The following FNIP2 variants were observed in gnomAD, a reference collection of about 807,000 sequenced individuals.
FNIP2 encodes the protein folliculin interacting protein 2.
FNIP2 carries 32 observed loss-of-function variants against 108.7 expected under a neutral mutation model. The observed-to-expected ratio is 0.29, with a 90% CI of 0.22 to 0.40. FNIP2 has a LOEUF of 0.40. Among genes scored for constraint, FNIP2 ranks in the 10% least tolerant of loss-of-function variants. The pLI is 1.00. For synonymous variants in FNIP2, 480 were observed against 496.7 expected, an observed-to-expected ratio of 0.97 and a Z score of 0.45; for missense variants, 1,202 against 1,381.6, an observed-to-expected ratio of 0.87 and a Z score of 2.06.
At chr4:158,872,856 A>G (rs1781038566) in intron 14 of FNIP2, 1 of 712,698 alleles carries the variant, frequency 1.4e-6, no homozygotes, top group Non-Finnish European at 1.7e-6. Context: ...CATAAAGCCT[A>G]GTGAATATTT....
rs745949282 is a variant in FNIP2 at position 158,831,961 on chromosome 4, G to A, written c.482G>A (p.Arg161His). ...KGSTLKIHYI[R>H]SPPQLMISKV... The stretch of plus-strand genomic sequence containing the variant: ...TCCACCTTAAAGATACACTACATAC[G>A]GTGAGTCTGGGCTTCCTTTTCTACT... The change falls in exon 4 of 17, where the codon CGT becomes CAT. Residue 161 changes from arginine (R) to histidine (H), a missense_variant and splice_region_variant. Physicochemically the swap from Arg to His is conservative, Grantham distance 29. Coordinates refer to ENST00000264433, the MANE Select transcript of FNIP2 (RefSeq NM_020840.3). The A allele has an allele frequency of 3.7e-6, 6 of 1,608,054 alleles. No homozygotes were observed. The highest frequency in any genetic ancestry group is 1.7e-5 in the Admixed American group (1 of 59,528).
intron 1 of FNIP2, among the ~76,000 whole-genome samples, chr4:158,803,537 GA>G (rs1172652508): frequency 6.6e-6 from 1 of 152,150 alleles, no homozygotes; most frequent in Admixed American, 6.5e-5. Flanking sequence ...TCCACTTACT[GA>G]AGAAATTTTA....
intron 14 of FNIP2, among the ~76,000 whole-genome samples, chr4:158,886,093 T>G (rs942111499): frequency 1.3e-5 from 2 of 152,226 alleles, no homozygotes; most frequent in African/African-American, 4.8e-5. Flanking sequence ...ATCCTGTTGA[T>G]TCAACAAGCT....
At position 158,868,897 on chromosome 4, in the gene FNIP2, C is replaced by CTGCTGA. The variant is rs1328553509; in HGVS notation, c.2264_2269dup (p.Ala755_Asp756dup). On this transcript the variant is annotated inframe_insertion, in exon 13 of 17. Coordinates refer to ENST00000264433, the MANE Select transcript of FNIP2 (RefSeq NM_020840.3). This position sits in a 1 kb window ranked among gnomAD's most constrained non-coding sequence, Gnocchi z 4.6. ...GGCCCCTCCTTGGAGGCCAGTGAGGCTGCTGATGTGGCTCAGGACCCGCAG... is the reference window on the plus strand; with the variant it reads ...GGCCCCTCCTTGGAGGCCAGTGAGGCTGCTGATGCTGATGTGGCTCAGGACCCGCAG... 6.2e-7 allele frequency: 1 copy of CTGCTGA among 1,613,820 alleles called. No individual in the cohort carries two copies. The highest frequency in any genetic ancestry group is 2.2e-5 in the East Asian group (1 of 44,898).
In FNIP2 at chr4:158,889,933, A is replaced by G. The variant is rs772774406; in HGVS notation, c.2950-1513A>G. 6.4e-4 allele frequency: 626 copies of G among 985,242 alleles called. 1 individual carries two copies. Among genetic ancestry groups the G allele is most frequent in the Non-Finnish European group, 7.2e-4 (599 of 829,908 alleles). 61.0% of individuals were successfully genotyped at this position (985,242 alleles called of 1,614,324 possible). ...TAAAGAGAAGTCACTGAAGCCTTGTATCTTTAGTTGTCCGTTTTGGAGACT... is the reference window on the plus strand; with the variant it reads ...TAAAGAGAAGTCACTGAAGCCTTGTGTCTTTAGTTGTCCGTTTTGGAGACT... On this transcript the variant is annotated intron_variant, in intron 14 of 16. Transcript: ENST00000264433.
intron 1 of FNIP2, among the ~76,000 whole-genome samples, chr4:158,812,645 A>G (rs1777342091): frequency 6.6e-6 from 1 of 152,080 alleles, no homozygotes; most frequent in African/African-American, 2.4e-5. Flanking sequence ...ATTAAGCAGA[A>G]AGTACAGAAT....
intron 14 of FNIP2, chr4:158,872,135 G>T: frequency 1.0e-6 from 1 of 985,380 alleles, no homozygotes; most frequent in Non-Finnish European, 1.2e-6. Context: ...GAACTAATGG[G>T]ATTGTCCTCA....
At chr4:158,846,974 T>C (rs1014884754) in intron 7 of FNIP2, among the ~76,000 whole-genome samples, 2 of 152,144 alleles carry the variant, frequency 1.3e-5, no homozygotes, top group East Asian at 3.9e-4. Context: ...ATCTGTGCAC[T>C]TGGGGAGAAA....
intron 12 of FNIP2, among the ~76,000 whole-genome samples, chr4:158,865,710 G>A (rs893604592): frequency 2.0e-5 from 3 of 152,022 alleles, no homozygotes; most frequent in Non-Finnish European, 2.9e-5. Context: ...GATATCCTGC[G>A]GCAATAGGCA....
intron 1 of FNIP2, 92 bp from the exon 2 acceptor site, chr4:158,825,824 C>T: frequency 1.4e-6 from 2 of 1,455,644 alleles, no homozygotes; most frequent in South Asian, 1.2e-5. Context: ...TTTTGATGTG[C>T]ACACAGGCAT....
intron 1 of FNIP2, among the ~76,000 whole-genome samples, chr4:158,782,963 A>G (rs746632136): frequency 4.8e-4 from 73 of 152,334 alleles, no homozygotes; most frequent in Non-Finnish European, 8.8e-4. Context: ...TAATTTGTTC[A>G]TCATTTTGTC....
chr4:158,791,926 G>C (rs1451756085), intron 1 of FNIP2, among the ~76,000 whole-genome samples: 2 of 152,126 alleles, frequency 1.3e-5, no homozygotes, highest in African/African-American at 4.8e-5. Context: ...AACAGACAAT[G>C]AGATCCGGAG....
intron 7 of FNIP2, among the ~76,000 whole-genome samples, chr4:158,850,982 A>C (rs1779667557): frequency 6.6e-6 from 1 of 152,098 alleles, no homozygotes; most frequent in African/African-American, 2.4e-5. Context: ...GCTGTTCAGA[A>C]ATCTTAGGAA....
chr4:158,892,233 G>A (rs957191150), intron 15 of FNIP2, among the ~76,000 whole-genome samples: 1 of 150,518 alleles, frequency 6.6e-6, no homozygotes, highest in African/African-American at 2.4e-5. Flanking sequence ...CGCCTCCTGG[G>A]CTCAAGTGAT....
At chr4:158,822,022 A>G (rs1180008781) in intron 1 of FNIP2, among the ~76,000 whole-genome samples, 2 of 151,986 alleles carry the variant, frequency 1.3e-5, no homozygotes, top group Non-Finnish European at 2.9e-5. Flanking sequence ...CAGGAGGTTG[A>G]GGCTATGGTG....
intron 14 of FNIP2, among the ~76,000 whole-genome samples, chr4:158,870,783 TC>T (rs1780900915): frequency 6.6e-6 from 1 of 152,202 alleles, no homozygotes; most frequent in Non-Finnish European, 1.5e-5. Context: ...CCATCCCTCC[TC>T]CCATTCTCTG....
intron 7 of FNIP2, among the ~76,000 whole-genome samples, chr4:158,836,811 CAAAAAAAAAAA>C (rs34469888): frequency 1.8e-4 from 7 of 39,566 alleles, no homozygotes; most frequent in Admixed American, 4.0e-4. Flanking sequence ...GACTCCGTCT[CAAAAAAAAAAA>C]AAAAAAAAAA....
intron 1 of FNIP2, among the ~76,000 whole-genome samples, chr4:158,798,201 A>G (rs1434027958): frequency 6.6e-6 from 1 of 152,002 alleles, no homozygotes. Context: ...AGTAGTTAGC[A>G]TTACACGCAC....
At chr4:158,791,324 C>T (rs981554723) in intron 1 of FNIP2, among the ~76,000 whole-genome samples, 1 of 144,002 alleles carries the variant, frequency 6.9e-6, no homozygotes, top group African/African-American at 2.6e-5. Context: ...TGCTCTGTCA[C>T]CCAGGCTGGA....
Sources: gnomAD v4.1 joint callset for allele counts (sites outside exome capture counted in the v4.1 genomes callset) on GRCh38, gnomAD v4.1.1 for gene constraint, Gnocchi (gnomAD v3.1) non-coding constraint, MANE v1.5 for transcripts, NCBI Gene and HGNC (gene_info 2026-07-23, HGNC 2026-07-21) for gene names.